Variants in COL15A1 observed in about 807,000 individuals in gnomAD.
COL15A1 encodes collagen alpha-1(XV) chain.
Under a neutral mutation model 165.9 loss-of-function variants are expected in COL15A1, and 111 were observed. The ratio of observed to expected loss-of-function variants is 0.67; its 90% CI spans 0.57 to 0.78. COL15A1 has a LOEUF of 0.78. Ranked by LOEUF, COL15A1 falls within the 30% of genes least tolerant of loss-of-function variation. The probability of loss-of-function intolerance (pLI) is 0.00; values close to 1 mark genes in which losing one functional copy is unlikely to be tolerated. For synonymous variants in COL15A1, 659 were observed against 674.8 expected (o/e 0.98, Z 0.36); for missense variants, 1,745 against 1,789.7 (o/e 0.98, Z 0.45).
chr9:98,957,051 G>T (rs12341026), intron 2 of COL15A1, among the ~76,000 whole-genome samples: 2,480 of 152,242 alleles, frequency 0.016, 70 homozygotes, highest in African/African-American at 0.057. Context: ...ACTCCATTAG[G>T]TTCTATAGCA....
Position 99,042,053 on chromosome 9 carries a change from A to G in COL15A1, c.2520A>G (p.Arg840=). Residue 840 remains arginine (R), a synonymous_variant, in exon 24 of 42, where the codon AGA becomes AGG. Transcript: ENST00000375001. ...ATAACAATTCCTTCCAGGGTCCTAG[A>G]GGACCAAAAGGTGACACTGGTTTAC... ...LPGLPGFPGP[R]GPKGDTGLPG... 3.1e-6 allele frequency: 5 copies of G among 1,610,258 alleles called. No individual in the cohort carries two copies. The highest frequency in any genetic ancestry group is 1.1e-5 in the South Asian group (1 of 90,432).
intron 15 of COL15A1, 81 bp from the exon 16 acceptor site, chr9:99,025,823 C>G: frequency 6.7e-7 from 1 of 1,482,928 alleles, no homozygotes; most frequent in Non-Finnish European, 9.2e-7. Flanking sequence ...GCCTCCCAAC[C>G]CTGCCCTCCT....
chr9:98,971,041 G>A (rs112528582), intron 2 of COL15A1, among the ~76,000 whole-genome samples: 38 of 152,304 alleles, frequency 2.5e-4, no homozygotes, highest in African/African-American at 9.1e-4. Context: ...GTTCCTGTGT[G>A]TTAGGGGGCC....
At position 99,056,263 on chromosome 9, in the gene COL15A1, CA is replaced by C; in HGVS notation, c.3201del (p.Glu1069ArgfsTer84). ...TATTGTGTGCTTGCCTTGACAGGGC[CA>C]AAAAGGGGAGACAGTCGTTGGGCCC... ...GLPGNPGPAG[Q>X]KGETVVGPQG... On this transcript the variant is annotated frameshift_variant, in exon 35 of 42. Transcript: ENST00000375001. LOFTEE classifies it high-confidence loss of function. 1 of 1,614,032 alleles carries C rather than the reference CA, an allele frequency of 6.2e-7. No individual in the cohort carries two copies. The highest frequency in any genetic ancestry group is 8.5e-7 in the Non-Finnish European group (1 of 1,179,934).
rs1346102215 is a variant in COL15A1 at position 99,054,790 on chromosome 9, G to C, written c.3031+134G>C. On this transcript the variant is annotated intron_variant, in intron 32 of 41. Transcript: ENST00000375001. ...TGACCACAGGCTCCACTGGTTTCTA[G>C]TGAAAACCAAGCATGGGCCTGGCAT... The C allele has an allele frequency of 3.9e-6, 4 of 1,016,686 alleles. No individual in the cohort carries two copies. The East Asian group carries it at 7.8e-5, about 20-fold the overall frequency. 63.0% of individuals were successfully genotyped at this position (1,016,686 alleles called of 1,614,324 possible). A position where few individuals can be genotyped will look rare whatever the true frequency, so the allele number is the denominator to read the frequency against.
rs55890178 is a variant in COL15A1, at chr9:98,966,648, G to A, written c.101-18917G>A. ...AGTCTGAAGTCTGAGAAGCCAGTGT[G>A]TTTAAGAGAGTCACTCTCATCTCAG... On this transcript the variant is annotated intron_variant, in intron 2 of 41. Transcript: ENST00000375001. Among the ~76,000 whole-genome samples, 997 of 152,086 alleles carry A rather than the reference G, an allele frequency of 6.6e-3. 4 individuals are homozygous for A. The highest frequency in any genetic ancestry group is 0.013 in the South Asian group (64 of 4,778).
chr9:99,031,054 A>G (rs1292575392), intron 16 of COL15A1, among the ~76,000 whole-genome samples: 2 of 152,058 alleles, frequency 1.3e-5, no homozygotes, highest in Non-Finnish European at 2.9e-5. Context: ...CACTTCTTTC[A>G]CCGAGCACAC....
chr9:99,015,233 C>T (rs962230879), intron 9 of COL15A1, among the ~76,000 whole-genome samples, 184 bp from the exon 10 acceptor site: 5 of 151,986 alleles, frequency 3.3e-5, no homozygotes, highest in Non-Finnish European at 7.4e-5. Context: ...GGGAGGATGC[C>T]CTGAAAGGTA....
In COL15A1 at chr9:98,991,776, T is replaced by C. The variant is rs1838436910; in HGVS notation, c.804+2518T>C. On this transcript the variant is annotated intron_variant, in intron 5 of 41. Coordinates refer to ENST00000375001, the MANE Select transcript of COL15A1 (RefSeq NM_001855.5). ...CCTTGAGCTAGACACAGAGTGTTGA[T>C]TGGTGTGTTTACAAACCTTGAGCTA... Among the ~76,000 whole-genome samples the C allele has an allele frequency of 2.0e-5, 3 of 152,206 alleles. No individual in the cohort carries two copies. The South Asian group carries it at 6.2e-4, about 32-fold the overall frequency.
At position 99,035,438 on chromosome 9, in the gene COL15A1, T is replaced by A; in HGVS notation, c.2289+20T>A. ...GCAATTGTAGGTCGCCTCTGAAACCTTCATTATGAGGGTTGTCACACTGTC... is the reference window on the plus strand; with the variant it reads ...GCAATTGTAGGTCGCCTCTGAAACCATCATTATGAGGGTTGTCACACTGTC... On this transcript the variant is annotated intron_variant, in intron 19 of 41. Coordinates refer to ENST00000375001, the MANE Select transcript of COL15A1 (RefSeq NM_001855.5). 1 of 1,613,708 alleles carries A rather than the reference T, an allele frequency of 6.2e-7. No individual in the cohort carries two copies. Among genetic ancestry groups the A allele is most frequent in the Non-Finnish European group, 8.5e-7 (1 of 1,179,784 alleles).
chr9:99,053,875 A>G (rs934356660), intron 31 of COL15A1, among the ~76,000 whole-genome samples: 9 of 152,162 alleles, frequency 5.9e-5, no homozygotes, highest in Admixed American at 2.6e-4. Context: ...CCTCTTGGGA[A>G]CGAGGAATTC....
intron 2 of COL15A1, among the ~76,000 whole-genome samples, chr9:98,956,878 C>T (rs754916821): frequency 2.0e-5 from 3 of 152,218 alleles, no homozygotes; most frequent in East Asian, 3.8e-4. Context: ...ACAAGATCCT[C>T]GGTGATTCGT....
At chr9:99,040,974 AGGCCAAACCCCTAAGCTCCAGCCCC>A (rs1839393746) in intron 23 of COL15A1, 1 of 187,412 alleles carries the variant, frequency 5.3e-6, no homozygotes, top group African/African-American at 2.3e-5. Flanking sequence ...GCAGAAGAAA[AGGCCAAACCCCTAAGCTCCAGCCCC>A]GGCTTGGCTG....
At chr9:98,956,859 A>G (rs1837783542) in intron 2 of COL15A1, among the ~76,000 whole-genome samples, 1 of 152,258 alleles carries the variant, frequency 6.6e-6, no homozygotes, top group Admixed American at 6.5e-5. Flanking sequence ...GACTGAGGAT[A>G]GCATTTTAAC....
chr9:98,957,827 C>A (rs1235133202), intron 2 of COL15A1, among the ~76,000 whole-genome samples: 1 of 152,140 alleles, frequency 6.6e-6, no homozygotes, highest in African/African-American at 2.4e-5. Context: ...TGCAGGTGTG[C>A]GCCACCATGC....
Position 99,033,772 on chromosome 9 carries a change from T to A in COL15A1, c.2044-777T>A, listed in dbSNP as rs116708387. Among the ~76,000 whole-genome samples, 438 of 152,296 alleles carry A rather than the reference T, an allele frequency of 2.9e-3. 2 individuals are homozygous for A. The highest frequency in any genetic ancestry group is 9.5e-3 in the African/African-American group (395 of 41,542). ...AGCATCTCTCTCAGGACCTCCTGTG[T>A]GGCATGCAATTGCTGACTTCATCTC... is the stretch of plus-strand genomic sequence containing the variant. On this transcript the variant is annotated intron_variant, in intron 16 of 41. Coordinates refer to ENST00000375001, the MANE Select transcript of COL15A1 (RefSeq NM_001855.5).
intron 9 of COL15A1, among the ~76,000 whole-genome samples, chr9:99,011,746 G>T (rs572042331): frequency 3.3e-5 from 5 of 151,714 alleles, no homozygotes; most frequent in African/African-American, 7.3e-5. Flanking sequence ...TGACACATTT[G>T]TCTATAAGTA....
chr9:99,061,910 A>G (rs1010243374), intron 36 of COL15A1, 61 bp from the exon 37 acceptor site: 109 of 1,561,698 alleles, frequency 7.0e-5, no homozygotes, highest in Non-Finnish European at 9.1e-5. Context: ...AGGCCAGGTT[A>G]TCAGATGGTG....
At chr9:98,944,276 A>G in intron 2 of COL15A1, 26 bp downstream of exon 2, 1 of 1,607,074 alleles carries the variant, frequency 6.2e-7, no homozygotes, top group Non-Finnish European at 8.5e-7. Context: ...GGAGGGTGGC[A>G]CCGGCTGCCT....
Sources: gnomAD v4.1 joint callset for allele counts (sites outside exome capture counted in the v4.1 genomes callset) on GRCh38, gnomAD v4.1.1 for gene constraint, MANE v1.5 for transcripts, NCBI Gene and HGNC (gene_info 2026-07-23, HGNC 2026-07-21) for gene names.